DMXL1: variants seen among roughly 807,000 people sequenced by gnomAD.
The protein encoded by DMXL1 is dmX-like protein 1.
DMXL1 carries 99 observed loss-of-function variants against 319.2 expected under a neutral mutation model. The observed-to-expected ratio is 0.31, with a 90% CI of 0.26 to 0.37. The LOEUF (loss-of-function observed/expected upper bound fraction) is 0.37. Ranked by LOEUF, DMXL1 falls within the 10% of genes least tolerant of loss-of-function variation. DMXL1 has a pLI of 1.00. For synonymous variants in DMXL1, 1,385 were observed against 1,235.2 expected (o/e 1.12, Z -2.54); for missense variants, 3,745 against 3,595.6 (o/e 1.04, Z -1.06).
At chr5:119,137,307 A>G (rs1214036132) in intron 13 of DMXL1, among the ~76,000 whole-genome samples, 1 of 152,226 alleles carries the variant, frequency 6.6e-6, no homozygotes, top group Non-Finnish European at 1.5e-5. Context: ...CTCGCATTGT[A>G]TCTTGGAAGT....
intron 34 of DMXL1, among the ~76,000 whole-genome samples, chr5:119,215,279 A>G (rs1249584004): frequency 5.3e-5 from 8 of 151,982 alleles, no homozygotes; most frequent in Non-Finnish European, 8.8e-5. Context: ...GAACTTTCCA[A>G]TTGAACAGTG....
At chr5:119,077,025 T>G (rs1318361310) in intron 1 of DMXL1, among the ~76,000 whole-genome samples, 1 of 152,222 alleles carries the variant, frequency 6.6e-6, no homozygotes, top group Non-Finnish European at 1.5e-5. Context: ...ATTAAAACAT[T>G]TTTAAATAAA....
intron 43 of DMXL1, among the ~76,000 whole-genome samples, chr5:119,246,155 C>T (rs1236516876): frequency 1.3e-5 from 2 of 152,112 alleles, no homozygotes; most frequent in African/African-American, 4.8e-5. Context: ...GCTGGAAATA[C>T]AAAATCTTAG....
At chr5:119,204,076 C>T (rs552483142) in intron 33 of DMXL1, among the ~76,000 whole-genome samples, 15 of 152,262 alleles carry the variant, frequency 9.9e-5, no homozygotes, top group Admixed American at 6.5e-4. Flanking sequence ...CCCGCCTCAG[C>T]CTCCCAAAGT....
At position 119,197,826 on chromosome 5, in the gene DMXL1, C is replaced by T. The variant is rs1779919417; in HGVS notation, c.7615C>T (p.Arg2539Ter). 2 of 1,613,980 alleles carry T rather than the reference C, an allele frequency of 1.2e-6. No individual in the cohort carries two copies. The highest frequency in any genetic ancestry group is 1.7e-6 in the Non-Finnish European group (2 of 1,180,014). Residue 2539 changes from arginine (R) to a stop codon, truncating the protein, a stop_gained, in exon 32 of 44, where the codon CGA becomes TGA. Transcript: ENST00000539542. LOFTEE classifies it high-confidence loss of function. ...TCAATGTTGGGAACAAGTTCTTCTC[C>T]GACGACTTGAAATCCATGGTGGGCC... ...TLQCWEQVLL[R>*]RLEIHGGPPQ...
In DMXL1 at chr5:119,110,901, G is replaced by T. The variant is rs185867027; in HGVS notation, c.497+618G>T. On this transcript the variant is annotated intron_variant, in intron 5 of 43. Coordinates refer to ENST00000539542, the MANE Select transcript of DMXL1 (RefSeq NM_001290321.3). ...CCTCCCTGGTTCAAGCAATTCTCCT[G>T]CCTCAGCCTCCTGAGGCACTGGGAT... Among the ~76,000 whole-genome samples, 9 of 152,166 alleles carry T rather than the reference G, an allele frequency of 5.9e-5. No homozygotes were observed. The East Asian group carries it at 1.7e-3, about 29-fold the overall frequency.
chr5:119,177,287 A>C, intron 26 of DMXL1, 70 bp from the exon 27 acceptor site: 1 of 1,119,714 alleles, frequency 8.9e-7, no homozygotes, highest in Non-Finnish European at 1.2e-6. Context: ...ATACTCTTGA[A>C]AGTAGATCTG....
At chr5:119,145,562 A>T (rs2150119562) in intron 15 of DMXL1, among the ~76,000 whole-genome samples, 1 of 151,894 alleles carries the variant, frequency 6.6e-6, no homozygotes, top group Middle Eastern at 3.4e-3. Flanking sequence ...TTCATATTAA[A>T]ATATTAATGA....
chr5:119,227,035 T>A lies in DMXL1; in HGVS notation c.8338+2266T>A, dbSNP rs563038633. Among the ~76,000 whole-genome samples, 3 of 152,236 alleles carry A rather than the reference T, an allele frequency of 2.0e-5. No homozygotes were observed. In the East Asian group the frequency reaches 5.8e-4, roughly 30 times the overall value. The stretch of plus-strand genomic sequence containing the variant: ...TAATCTCCAGCTCCCTTTCCCACCC[T>A]TTTCTGGAGGTTGGCGAGTGGAACT... On this transcript the variant is annotated intron_variant, in intron 38 of 43. Coordinates refer to ENST00000539542, the MANE Select transcript of DMXL1 (RefSeq NM_001290321.3).
chr5:119,242,537 C>T (rs1332054814), intron 42 of DMXL1, among the ~76,000 whole-genome samples: 3 of 152,094 alleles, frequency 2.0e-5, no homozygotes, highest in Non-Finnish European at 2.9e-5. Flanking sequence ...GATGTCAGTT[C>T]GTCTTGATTT....
rs2150264196 is a variant in DMXL1, at chr5:119,171,038, C to T, written c.6247C>T (p.Leu2083=). Reference sequence around the variant, plus strand: ...TGACTTTTGCTCAGATGCTGAAGAACTACAGTCTGCATTTGGCAGAAATGA... The same window carrying T: ...TGACTTTTGCTCAGATGCTGAAGAATTACAGTCTGCATTTGGCAGAAATGA... ...TCDFCSDAEE[L]QSAFGRNEDE... Residue 2083 remains leucine, a synonymous_variant, in exon 24 of 44, where the codon CTA becomes TTA. Transcript: ENST00000539542. 6.2e-7 allele frequency: 1 copy of T among 1,613,780 alleles called. No homozygotes were observed. The highest frequency in any genetic ancestry group is 8.5e-7 in the Non-Finnish European group (1 of 1,179,876).
Position 119,150,297 on chromosome 5 carries a change from T to G in DMXL1, c.4470T>G (p.Ser1490=). ...YFGPEHAQVL[S]GHLLHSSLPG... is the part of the protein sequence containing the mutation. ...GACCTGAGCATGCTCAGGTTCTTTC[T>G]GGCCACTTACTTCATTCTAGTTTAC... is the stretch of plus-strand genomic sequence containing the variant. The change falls in exon 18 of 44, where the codon TCT becomes TCG. Residue 1490 remains serine, a synonymous_variant. Coordinates refer to ENST00000539542, the MANE Select transcript of DMXL1 (RefSeq NM_001290321.3). The G allele has an allele frequency of 1.2e-6, 2 of 1,613,906 alleles. No individual in the cohort carries two copies. The highest frequency in any genetic ancestry group is 1.7e-6 in the Non-Finnish European group (2 of 1,179,852).
At chr5:119,144,749 G>A (rs1768148511) in intron 15 of DMXL1, 111 bp downstream of exon 15, 1 of 613,814 alleles carries the variant, frequency 1.6e-6, no homozygotes, top group Non-Finnish European at 2.7e-6. Flanking sequence ...TAAAAATTGG[G>A]GTAGGTTTGT....
intron 38 of DMXL1, among the ~76,000 whole-genome samples, chr5:119,232,470 A>G (rs1208289304): frequency 6.6e-6 from 1 of 152,182 alleles, no homozygotes; most frequent in Non-Finnish European, 1.5e-5. Flanking sequence ...ATGATACTCT[A>G]TAAATTGAGT....
chr5:119,218,615 C>T (rs1286579689), intron 35 of DMXL1, among the ~76,000 whole-genome samples: 4 of 152,046 alleles, frequency 2.6e-5, no homozygotes, highest in Non-Finnish European at 4.4e-5. Flanking sequence ...CACCACTACA[C>T]CCAGCTAATT....
At chr5:119,246,478 G>T (rs917159881) in intron 43 of DMXL1, among the ~76,000 whole-genome samples, 1 of 151,998 alleles carries the variant, frequency 6.6e-6, no homozygotes, top group Non-Finnish European at 1.5e-5. Flanking sequence ...TAAGTATTTT[G>T]TGTTAAAGCA....
intron 19 of DMXL1, among the ~76,000 whole-genome samples, chr5:119,152,778 G>A (rs1242696449): frequency 6.6e-6 from 1 of 152,094 alleles, no homozygotes; most frequent in East Asian, 1.9e-4. Flanking sequence ...CTGACTTTCA[G>A]CATTATTGGA....
chr5:119,158,139 AC>A (rs1771500373), intron 19 of DMXL1, among the ~76,000 whole-genome samples: 1 of 146,382 alleles, frequency 6.8e-6, no homozygotes, highest in Non-Finnish European at 1.5e-5. Context: ...TGATCCTCCC[AC>A]CCTGGCCTCC....
intron 14 of DMXL1, 37 bp downstream of exon 14, chr5:119,143,967 A>G: frequency 7.9e-7 from 1 of 1,262,850 alleles, no homozygotes; most frequent in South Asian, 1.4e-5. Flanking sequence ...ATATTAAAAA[A>G]AAGTTTATGA....
Sources: gnomAD v4.1 joint callset for allele counts (sites outside exome capture counted in the v4.1 genomes callset) on GRCh38, gnomAD v4.1.1 for gene constraint, MANE v1.5 for transcripts, NCBI Gene and HGNC (gene_info 2026-07-23, HGNC 2026-07-21) for gene names.